The following FAM219A variants were observed in gnomAD, a reference collection of about 807,000 sequenced individuals.
FAM219A encodes family with sequence similarity 219 member A, also known as protein FAM219A.
In FAM219A, 7 loss-of-function variants were observed where a neutral mutation model predicts 23.4. That is an observed-to-expected ratio of 0.30 (90% CI 0.17 to 0.56). The LOEUF is 0.56. FAM219A is among the 20% of genes least tolerant of loss of function. The probability of loss-of-function intolerance (pLI) is 0.92; values close to 1 mark genes in which losing one functional copy is unlikely to be tolerated. For missense variants in FAM219A, 166 were observed against 246.9 expected, an observed-to-expected ratio of 0.67 and a Z score of 2.20; for synonymous variants, 93 against 99.0, an observed-to-expected ratio of 0.94 and a Z score of 0.36.
rs143749316 is a variant in FAM219A at position 34,421,009 on chromosome 9, T to TGAGAGAGAGAGAGAGA, written c.61-15061_61-15046dup. On this transcript the variant is annotated intron_variant, in intron 1 of 5. Transcript: ENST00000651358. ...GTGTGTGTATGTGTGTGTGTGTGTGTGAGAGAGAGAGAGAGAGAGAGAGAG... is the reference window on the plus strand; with the variant it reads ...GTGTGTGTATGTGTGTGTGTGTGTGTGAGAGAGAGAGAGAGAGAGAGAGAGAGAGAGAGAGAGAGAG... Among the ~76,000 whole-genome samples the TGAGAGAGAGAGAGAGA allele has an allele frequency of 7.1e-3, 613 of 86,400 alleles. 7 individuals carry two copies. The highest frequency in any genetic ancestry group is 0.015 in the African/African-American group (299 of 19,792). 56.7% of individuals were successfully genotyped at this position (86,400 alleles called of 152,430 possible).
At chr9:34,423,456 C>CAA (rs1822350917) in intron 1 of FAM219A, among the ~76,000 whole-genome samples, 1 of 152,106 alleles carries the variant, frequency 6.6e-6, no homozygotes, top group African/African-American at 2.4e-5. Flanking sequence ...ATAGAGCAGG[C>CAA]AAAAAGAACA....
intron 1 of FAM219A, among the ~76,000 whole-genome samples, chr9:34,413,158 G>C (rs146163762): frequency 6.6e-6 from 1 of 151,276 alleles, no homozygotes; most frequent in Non-Finnish European, 1.5e-5. Context: ...CAGAAGGGAG[G>C]TAAGGAAGGT....
intron 1 of FAM219A, among the ~76,000 whole-genome samples, chr9:34,426,582 C>G (rs1374405343): frequency 6.6e-6 from 1 of 152,230 alleles, no homozygotes; most frequent in Non-Finnish European, 1.5e-5. Flanking sequence ...GGCGCCGTTT[C>G]ACTGGACGTA....
intron 1 of FAM219A, among the ~76,000 whole-genome samples, chr9:34,434,643 A>C (rs1173173374): frequency 3.3e-5 from 5 of 152,230 alleles, no homozygotes. Context: ...CCAGAAGCCA[A>C]AGAGAACCAT....
chr9:34,434,156 C>T (rs574735693), intron 1 of FAM219A, among the ~76,000 whole-genome samples: 119 of 140,962 alleles, frequency 8.4e-4, no homozygotes, highest in African/African-American at 3.0e-3. Context: ...GAGCCAAGAT[C>T]GCGCCACTGC....
chr9:34,414,170 G>C (rs1414829060), intron 1 of FAM219A, among the ~76,000 whole-genome samples: 1 of 152,234 alleles, frequency 6.6e-6, no homozygotes. Context: ...CTATTTCCCT[G>C]CAGAGGGCTG....
chr9:34,455,200 T>G (rs772718535), intron 1 of FAM219A, among the ~76,000 whole-genome samples: 1 of 152,210 alleles, frequency 6.6e-6, no homozygotes, highest in African/African-American at 2.4e-5. Context: ...ATCAATGATA[T>G]CAGGTCTCTG....
intron 2 of FAM219A, among the ~76,000 whole-genome samples, chr9:34,404,952 T>C (rs568280719): frequency 6.6e-6 from 1 of 152,232 alleles, no homozygotes; most frequent in African/African-American, 2.4e-5. Context: ...GAGAAAGTTG[T>C]AGGCAAAGGG....
At chr9:34,401,263 CCCCCAGG>C in intron 5 of FAM219A, 141 bp from the exon 6 acceptor site, 2 of 1,034,948 alleles carry the variant, frequency 1.9e-6, no homozygotes, top group Non-Finnish European at 2.8e-6. Flanking sequence ...TCTGTCTGTA[CCCCCAGG>C]CCCCGCTCCT....
At chr9:34,437,773 C>A (rs536051906) in intron 1 of FAM219A, among the ~76,000 whole-genome samples, 8 of 152,380 alleles carry the variant, frequency 5.3e-5, no homozygotes, top group Non-Finnish European at 1.2e-4. Flanking sequence ...GCAGTCCTCA[C>A]AGCCCTCGGT....
At chr9:34,454,373 T>C (rs758358911) in intron 1 of FAM219A, among the ~76,000 whole-genome samples, 1 of 151,938 alleles carries the variant, frequency 6.6e-6, no homozygotes, top group African/African-American at 2.4e-5. Flanking sequence ...GAGGCAGAGG[T>C]TGCAGTGAGC....
Position 34,402,687 on chromosome 9 carries a change from G to T in FAM219A, c.263+18C>A, listed in dbSNP as rs773902362. 10 of 1,613,214 alleles carry T rather than the reference G, an allele frequency of 6.2e-6. No homozygotes were observed. In the East Asian group the frequency reaches 2.2e-4, roughly 36 times the overall value. On this transcript the variant is annotated intron_variant, in intron 3 of 5. Transcript: ENST00000651358. ...GTCCTGGCTGGCAGGGTCCAGGTGG[G>T]GTAGGGAGGGCCTCTACCTTGTTCG... is the stretch of plus-strand genomic sequence containing the variant.
At chr9:34,421,516 C>T (rs917984019) in intron 1 of FAM219A, among the ~76,000 whole-genome samples, 1 of 152,060 alleles carries the variant, frequency 6.6e-6, no homozygotes. Context: ...TGCAGTGACA[C>T]TTACCGGCTA....
At chr9:34,448,537 T>C (rs923466564) in intron 1 of FAM219A, among the ~76,000 whole-genome samples, 1 of 152,172 alleles carries the variant, frequency 6.6e-6, no homozygotes, top group African/African-American at 2.4e-5. Flanking sequence ...TAGGAGGGTA[T>C]AAAATAATTA....
rs939409090 is a variant in FAM219A, at chr9:34,417,305, C to G, written c.61-11341G>C. 1.3e-5 allele frequency among the ~76,000 whole-genome samples: 2 copies of G among 152,216 alleles called. No homozygotes were observed. The highest frequency in any genetic ancestry group is 2.4e-5 in the African/African-American group (1 of 41,460). Reference sequence around the variant, plus strand: ...CAAGTGATCCTCCTGCCTCGGCCTCCCAAAGTGCTGGGATTACAGGTGTGA... The same window carrying G: ...CAAGTGATCCTCCTGCCTCGGCCTCGCAAAGTGCTGGGATTACAGGTGTGA... On this transcript the variant is annotated intron_variant, in intron 1 of 5. Transcript: ENST00000651358. This position sits in a 1 kb window ranked among gnomAD's most constrained non-coding sequence, Gnocchi z 4.1.
At chr9:34,432,846 A>G (rs572854596) in intron 1 of FAM219A, among the ~76,000 whole-genome samples, 3 of 152,348 alleles carry the variant, frequency 2.0e-5, no homozygotes, top group African/African-American at 7.2e-5. Context: ...ATCATTTTAA[A>G]AACAATTATT....
At chr9:34,440,030 CAG>C (rs1823107080) in intron 1 of FAM219A, among the ~76,000 whole-genome samples, 1 of 152,148 alleles carries the variant, frequency 6.6e-6, no homozygotes, top group East Asian at 1.9e-4. Flanking sequence ...CTTCCCAAAA[CAG>C]AATGAGGCCC....
At chr9:34,419,763 A>C (rs1325473243) in intron 1 of FAM219A, among the ~76,000 whole-genome samples, 1 of 152,194 alleles carries the variant, frequency 6.6e-6, no homozygotes, top group Non-Finnish European at 1.5e-5. Context: ...TGGTTCATAA[A>C]TCTTTGGGGC....
chr9:34,434,549 C>T lies in FAM219A; in HGVS notation c.60+23655G>A, dbSNP rs779399056. On this transcript the variant is annotated intron_variant, in intron 1 of 5. Transcript: ENST00000651358. ...ATATCCAGAACTGGGCCCCAAGTTT[C>T]CTGGTCCCTTTCCTACTTTACCACA... Among the ~76,000 whole-genome samples the T allele has an allele frequency of 1.1e-4, 17 of 151,522 alleles. No homozygotes were observed. In the South Asian group the frequency reaches 1.4e-3, roughly 13 times the overall value.
Sources: gnomAD v4.1 joint callset for allele counts (sites outside exome capture counted in the v4.1 genomes callset) on GRCh38, gnomAD v4.1.1 for gene constraint, Gnocchi (gnomAD v3.1) non-coding constraint, MANE v1.5 for transcripts, NCBI Gene and HGNC (gene_info 2026-07-23, HGNC 2026-07-21) for gene names.